PHLDB3: variants seen among roughly 807,000 people sequenced by gnomAD.
PHLDB3 encodes the protein pleckstrin homology-like domain family B member 3.
Under a neutral mutation model 85.7 loss-of-function variants are expected in PHLDB3, and 86 were observed. The observed-to-expected ratio is 1.00, with a 90% CI of 0.84 to 1.20. PHLDB3 has a LOEUF of 1.20. PHLDB3 is among the 50% of genes most tolerant of loss of function. PHLDB3 has a pLI of 0.00. For synonymous variants in PHLDB3, 376 were observed against 349.8 expected (o/e 1.07, Z -0.83); for missense variants, 995 against 873.0 (o/e 1.14, Z -1.76).
chr19:43,478,003 T>C, intron 15 of PHLDB3, 44 bp downstream of exon 15: 1 of 1,513,934 alleles, frequency 6.6e-7, no homozygotes, highest in East Asian at 2.3e-5. Flanking sequence ...TGACTCCAAC[T>C]GAGTCTCCAA....
At chr19:43,489,951 G>A (rs947499668) in intron 9 of PHLDB3, among the ~76,000 whole-genome samples, 1 of 148,714 alleles carries the variant, frequency 6.7e-6, no homozygotes, top group Non-Finnish European at 1.5e-5. Flanking sequence ...TGGTTGCAGT[G>A]AGCCGAGATC....
chr19:43,487,231 A>C, intron 9 of PHLDB3, 108 bp from the exon 10 acceptor site: 1 of 866,562 alleles, frequency 1.2e-6, no homozygotes, highest in Non-Finnish European at 1.9e-6. Context: ...TCAAAACACT[A>C]CTGTCCATGT....
intron 5 of PHLDB3, among the ~76,000 whole-genome samples, chr19:43,497,530 A>G (rs1461964524): frequency 1.3e-5 from 2 of 152,020 alleles, no homozygotes; most frequent in Non-Finnish European, 2.9e-5. Context: ...TAGCCAAAAT[A>G]GTGAAACCCC....
chr19:43,482,096 C>G (rs1971060467), intron 13 of PHLDB3, among the ~76,000 whole-genome samples: 1 of 151,080 alleles, frequency 6.6e-6, no homozygotes, highest in Non-Finnish European at 1.5e-5. Flanking sequence ...TCCAAAAGAA[C>G]CCATTAATGT....
At chr19:43,484,466 T>C (rs1033231576) in intron 13 of PHLDB3, among the ~76,000 whole-genome samples, 4 of 149,250 alleles carry the variant, frequency 2.7e-5, no homozygotes, top group East Asian at 2.0e-4. Context: ...CCAGCACTTT[T>C]TGAGGCCAAG....
intron 6 of PHLDB3, 68 bp downstream of exon 6, chr19:43,497,050 G>A: frequency 7.4e-7 from 1 of 1,342,852 alleles, no homozygotes; most frequent in South Asian, 2.2e-5. Flanking sequence ...CAGAGAAAAA[G>A]GCAGGCACAG....
At chr19:43,499,941 A>G (rs530031924) in intron 4 of PHLDB3, among the ~76,000 whole-genome samples, 2 of 152,086 alleles carry the variant, frequency 1.3e-5, no homozygotes, top group Non-Finnish European at 2.9e-5. Flanking sequence ...GGGTTTCATC[A>G]TGTTGGCCAG....
chr19:43,500,909 A>ACCCCTCCCCCCCCCCCCCCCCC (rs1971574220), intron 4 of PHLDB3, among the ~76,000 whole-genome samples: 1 of 17,152 alleles, frequency 5.8e-5, no homozygotes. Context: ...CGCCCCCCGT[A>ACCCCTCCCCCCCCCCCCCCCCC]CCCCCCCCCC....
At chr19:43,503,791 C>T (rs988159400) in intron 2 of PHLDB3, 115 bp downstream of exon 2, 2 of 1,228,246 alleles carry the variant, frequency 1.6e-6, no homozygotes, top group African/African-American at 1.5e-5. Flanking sequence ...CGGTCTCTCT[C>T]CCTGTCTCCG....
chr19:43,496,714 A>T (rs1971465279), intron 6 of PHLDB3: 1 of 214,076 alleles, frequency 4.7e-6, no homozygotes, highest in African/African-American at 2.3e-5. Context: ...TGGAGGCTGC[A>T]GTGAGCTGTG....
At position 43,475,454 on chromosome 19, in the gene PHLDB3, T is replaced by A. The variant is rs1380789813; in HGVS notation, c.1879A>T (p.Met627Leu). The change falls in exon 16 of 16, where the codon ATG becomes TTG. Residue 627 changes from methionine to leucine, a missense_variant. Coordinates refer to ENST00000292140, the MANE Select transcript of PHLDB3 (RefSeq NM_198850.4). The part of the protein sequence containing the change: ...APSPEAMRIW[M>L]DVIVTAADEN... ...TCAGCGGCGGTCACGATGACGTCCA[T>A]CCAAATGCGCATGGCTTCGGGGCTC... is the stretch of plus-strand genomic sequence containing the variant. The A allele has an allele frequency of 1.9e-6, 3 of 1,613,942 alleles. No individual in the cohort carries two copies. The highest frequency in any genetic ancestry group is 2.5e-6 in the Non-Finnish European group (3 of 1,179,860).
At position 43,475,236 on chromosome 19, in the gene PHLDB3, G is replaced by T; in HGVS notation, c.*174C>A. The T allele has an allele frequency of 2.2e-6, 2 of 904,402 alleles. No individual in the cohort carries two copies. Among genetic ancestry groups the T allele is most frequent in the Non-Finnish European group, 1.6e-6 (1 of 620,406 alleles). The allele number at this position is 904,402 out of a possible 1,614,324, so 56.0% of individuals were successfully genotyped here. The stretch of plus-strand genomic sequence containing the variant: ...CGATCCCGTCGGGGGCAAGGCACCT[G>T]CAACCCAGAACGCAGCAGCTCAGGC... On this transcript the variant is annotated 3_prime_UTR_variant, in exon 16 of 16. Transcript: ENST00000292140.
intron 9 of PHLDB3, among the ~76,000 whole-genome samples, chr19:43,487,574 C>CAAAAAAAA (rs760708749): frequency 0.01 from 391 of 38,448 alleles, 27 homozygotes; most frequent in African/African-American, 0.036. Context: ...GACTCTGTCT[C>CAAAAAAAA]AAAAAAAAAA....
rs1971162575 is a variant in PHLDB3 at position 43,486,546 on chromosome 19, A to G, written c.1428+63T>C. ...AGGGAGGTGGAGTTGGGGGTCTCCC[A>G]GGTCTGAGGGAGGAGAGGCTGGGGC... On this transcript the variant is annotated intron_variant, in intron 12 of 15. Transcript: ENST00000292140. 5 of 1,542,448 alleles carry G rather than the reference A, an allele frequency of 3.2e-6. No homozygotes were observed. The East Asian group carries it at 1.2e-4, about 36-fold the overall frequency.
intron 4 of PHLDB3, 162 bp downstream of exon 4, chr19:43,501,572 G>A (rs928190534): frequency 2.0e-5 from 27 of 1,347,760 alleles, no homozygotes; most frequent in Non-Finnish European, 2.6e-5. Context: ...CAGGGAGGGA[G>A]AAGGAAAACC....
intron 15 of PHLDB3, among the ~76,000 whole-genome samples, chr19:43,476,415 C>T (rs1394307754): frequency 5.3e-5 from 8 of 151,992 alleles, no homozygotes; most frequent in Admixed American, 1.3e-4. Context: ...GAGGTTGAAG[C>T]GGATTGATTG....
intron 6 of PHLDB3, chr19:43,496,138 C>T (rs1331589921): frequency 1.3e-5 from 2 of 153,574 alleles, no homozygotes; most frequent in Non-Finnish European, 2.9e-5. Flanking sequence ...GCCTCAGCCT[C>T]CCGAGTAGCT....
rs1365443209 is a variant in PHLDB3 at position 43,486,320 on chromosome 19, T to G, written c.1431A>C (p.Glu477Asp). 5.0e-6 allele frequency: 8 copies of G among 1,604,818 alleles called. No individual in the cohort carries two copies. The highest frequency in any genetic ancestry group is 1.3e-5 in the African/African-American group (1 of 74,884). Residue 477 changes from glutamate (E) to aspartate (D), a missense_variant and splice_region_variant, in exon 13 of 16, where the codon GAA becomes GAC. Transcript: ENST00000292140. ...AERERLLKAR[E>D]GTRRGTEGSS... ...AACCTTCCGTGCCCCTTCTTGTTCC[T>G]TCCTGTGGATTCAGGATGAAGCACT...
intron 15 of PHLDB3, among the ~76,000 whole-genome samples, chr19:43,476,007 G>C (rs777661710): frequency 1.3e-5 from 2 of 152,148 alleles, no homozygotes; most frequent in African/African-American, 2.4e-5. Context: ...GTGTTTGTCA[G>C]GATGGTCTCG....
Sources: allele counts gnomAD v4.1 joint callset (sites outside exome capture counted in the v4.1 genomes callset), GRCh38; gene constraint gnomAD v4.1.1; transcripts MANE v1.5; gene names NCBI Gene and HGNC (gene_info 2026-07-23, HGNC 2026-07-21).